Variants in CD1A observed in about 807,000 individuals in gnomAD.
CD1A encodes CD1a molecule.
In CD1A, 50 loss-of-function variants were observed where a neutral mutation model predicts 38.3. The observed-to-expected ratio is 1.30, with a 90% CI of 1.04 to 1.65. CD1A has a LOEUF of 1.65. Ranked by LOEUF, CD1A falls within the 40% of genes most tolerant of loss-of-function variation. CD1A has a pLI of 0.00. For missense variants in CD1A, 459 were observed against 406.1 expected (o/e 1.13, Z -1.12); for synonymous variants, 160 against 150.8 (o/e 1.06, Z -0.45).
chr1:158,257,888 G>A lies in CD1A; in HGVS notation c.*198G>A, dbSNP rs1291072011. ...TCAATTTAATTTTGCAGGATTTGTT[G>A]TTCTGACCTGGGTTCTGGGACTTTT... is the stretch of plus-strand genomic sequence containing the variant. On this transcript the variant is annotated 3_prime_UTR_variant, in exon 6 of 6. Transcript: ENST00000289429. The A allele has an allele frequency of 3.4e-6, 2 of 584,754 alleles. No homozygotes were observed. Among genetic ancestry groups the A allele is most frequent in the Admixed American group, 3.1e-5 (1 of 32,472 alleles). 36.2% of individuals were successfully genotyped at this position (584,754 alleles called of 1,614,324 possible).
Position 158,257,459 on chromosome 1 carries a change from A to C in CD1A, c.922A>C (p.Ile308Leu). 6.2e-7 allele frequency: 1 copy of C among 1,614,134 alleles called. No individual in the cohort carries two copies. The highest frequency in any genetic ancestry group is 2.2e-5 in the East Asian group (1 of 44,880). The stretch of plus-strand genomic sequence containing the variant: ...CGTGGGCTTCATCATCTTGGCGGTG[A>C]TAGTGCCTTTACTTCTTCTGATAGG... ...SSVGFIILAVIVPLLLLIGLA... is the reference protein window; with the variant it reads ...SSVGFIILAVLVPLLLLIGLA... The change falls in exon 5 of 6, where the codon ATA becomes CTA. Residue 308 changes from isoleucine (I) to leucine (L), a missense_variant. Transcript: ENST00000289429.
Position 158,254,674 on chromosome 1 carries a change from T to C in CD1A, c.5T>C (p.Leu2Pro). 6.2e-7 allele frequency: 1 copy of C among 1,614,152 alleles called. No homozygotes were observed. The highest frequency in any genetic ancestry group is 8.5e-7 in the Non-Finnish European group (1 of 1,180,016). ...GAAATAACATCTGCAAATGATATGC[T>C]GTTTTTGCTACTTCCATTGTTAGCT... MLFLLLPLLAVL... is the reference protein window; with the variant it reads MPFLLLPLLAVL... The change falls in exon 1 of 6, where the codon CTG (leucine) becomes CCG (proline). Residue 2 changes from leucine to proline, a missense_variant. Leu to Pro is a moderately conservative substitution (Grantham distance 98). Transcript: ENST00000289429.
Position 158,258,074 on chromosome 1 carries a change from A to G in CD1A, c.*384A>G, listed in dbSNP as rs1199573203. On this transcript the variant is annotated 3_prime_UTR_variant, in exon 6 of 6. Transcript: ENST00000289429. Reference sequence around the variant, plus strand: ...TCTTCCTGGTCTGAACTCCCGCCACATTTTAGCCGTACTTTGCTAACTGTG... The same window carrying G: ...TCTTCCTGGTCTGAACTCCCGCCACGTTTTAGCCGTACTTTGCTAACTGTG... 2 of 189,932 alleles carry G rather than the reference A, an allele frequency of 1.1e-5. No homozygotes were observed. The highest frequency in any genetic ancestry group is 2.7e-4 in the East Asian group (2 of 7,508). The allele number at this position is 189,932 out of a possible 1,614,324, so 11.8% of individuals were successfully genotyped here.
chr1:158,251,708 C>A (rs766979942), upstream of CD1A, among the ~76,000 whole-genome samples: 1 of 152,116 alleles, frequency 6.6e-6, no homozygotes, highest in African/African-American at 2.4e-5. Context: ...AGTGTTCCTG[C>A]CTTTCTTCCA....
At chr1:158,256,741 T>C (rs757447486) in intron 3 of CD1A, 45 bp from the exon 4 acceptor site, 26 of 1,586,086 alleles carry the variant, frequency 1.6e-5, no homozygotes, top group African/African-American at 2.7e-5. Context: ...TGTGGAGATA[T>C]GAAACTCCAA....
At chr1:158,251,696 T>C (rs181656572), upstream of CD1A, among the ~76,000 whole-genome samples, 101 of 152,284 alleles carry the variant, frequency 6.6e-4, no homozygotes, top group African/African-American at 2.4e-3. Context: ...TTTTGTCATG[T>C]AAGTGTTCCT....
In CD1A at chr1:158,255,178, T is replaced by C. The variant is rs371301715; in HGVS notation, c.153T>C (p.Asp51=). The C allele has an allele frequency of 1.9e-6, 3 of 1,614,026 alleles. No individual in the cohort carries two copies. The highest frequency in any genetic ancestry group is 2.7e-5 in the African/African-American group (2 of 74,908). Residue 51 remains aspartate, a synonymous_variant, in exon 2 of 6, where the codon GAT becomes GAC. Transcript: ENST00000289429. ...ATCTGGTCTCAGGTTGGCTGAGTGA[T>C]TTGCAGACTCATACCTGGGACAGCA... is the stretch of plus-strand genomic sequence containing the variant. ...KQNLVSGWLS[D]LQTHTWDSNS...
At position 158,256,918 on chromosome 1, in the gene CD1A, G is replaced by T. The variant is rs1650275634; in HGVS notation, c.737G>T (p.Gly246Val). 6.2e-7 allele frequency: 1 copy of T among 1,614,112 alleles called. No individual in the cohort carries two copies. Among genetic ancestry groups the T allele is most frequent in the Admixed American group, 1.7e-5 (1 of 60,008 alleles). Reference sequence around the variant, plus strand: ...ATGCGGGGTGAGCAGGAGCAGCAGGGCACTCAGCGAGGGGACATCTTGCCC... The same window carrying T: ...ATGCGGGGTGAGCAGGAGCAGCAGGTCACTCAGCGAGGGGACATCTTGCCC... ...MWMRGEQEQQ[G>V]TQRGDILPSA... is the part of the protein sequence containing the mutation. The change falls in exon 4 of 6, where the codon GGC becomes GTC. Residue 246 changes from glycine (G) to valine (V), a missense_variant. Coordinates refer to ENST00000289429, the MANE Select transcript of CD1A (RefSeq NM_001763.3).
In CD1A at chr1:158,255,246, A is replaced by G. The variant is rs764303588; in HGVS notation, c.221A>G (p.Asn74Ser). 3.1e-6 allele frequency: 5 copies of G among 1,614,114 alleles called. No individual in the cohort carries two copies. The highest frequency in any genetic ancestry group is 4.2e-6 in the Non-Finnish European group (5 of 1,180,008). The change falls in exon 2 of 6, where the codon AAC (asparagine) becomes AGC (serine). Residue 74 changes from asparagine to serine, a missense_variant. Transcript: ENST00000289429. The stretch of plus-strand genomic sequence containing the variant: ...TTCCTGTGCCCCTGGTCCAGGGGAA[A>G]CTTCAGCAATGAGGAGTGGAAGGAA... ...IVFLCPWSRG[N>S]FSNEEWKELE...
At chr1:158,254,787 GT>G in intron 1 of CD1A, 60 bp downstream of exon 1, 5 of 46,614 alleles carry the variant, frequency 1.1e-4, no homozygotes, top group Non-Finnish European at 1.5e-4. Context: ...CTCTCTCTCT[GT>G]GTGTGTGTGT....
At chr1:158,249,939 G>A (rs1182521398), upstream of CD1A, among the ~76,000 whole-genome samples, 2 of 152,180 alleles carry the variant, frequency 1.3e-5, no homozygotes, top group African/African-American at 2.4e-5. Context: ...CCATGAAATT[G>A]CAACCACTGT....
Position 158,257,810 on chromosome 1 carries a change from A to C in CD1A, c.*120A>C. 1 of 862,216 alleles carries C rather than the reference A, an allele frequency of 1.2e-6. No homozygotes were observed. Among genetic ancestry groups the C allele is most frequent in the Admixed American group, 2.3e-5 (1 of 44,126 alleles). The allele number at this position is 862,216 out of a possible 1,614,324, so 53.4% of individuals were successfully genotyped here. On this transcript the variant is annotated 3_prime_UTR_variant, in exon 6 of 6. Coordinates refer to ENST00000289429, the MANE Select transcript of CD1A (RefSeq NM_001763.3). The stretch of plus-strand genomic sequence containing the variant: ...GACGTCCTCTCAACTCTCTTTGTAA[A>C]AATTTTGTTATTTTTGCTTGTTTCT...
chr1:158,256,334 TCCA>T, intron 3 of CD1A, 52 bp downstream of exon 3: 1 of 1,525,422 alleles, frequency 6.6e-7, no homozygotes, highest in Non-Finnish European at 8.9e-7. Context: ...ATCATACCCT[TCCA>T]CCACCTCCTT....
At chr1:158,253,126 G>T (rs1432572251), upstream of CD1A, among the ~76,000 whole-genome samples, 1 of 152,024 alleles carries the variant, frequency 6.6e-6, no homozygotes, top group Non-Finnish European at 1.5e-5. Flanking sequence ...CCCTAAATTA[G>T]CTTCAGATAC....
upstream of CD1A, among the ~76,000 whole-genome samples, chr1:158,253,317 A>C (rs1255296428): frequency 6.6e-6 from 1 of 152,192 alleles, no homozygotes; most frequent in Non-Finnish European, 1.5e-5. Context: ...TCCAAATAGG[A>C]CTAATAAAAA....
chr1:158,256,080 T>C lies in CD1A; in HGVS notation c.402T>C (p.Ala134=). The change falls in exon 3 of 6, where the codon GCT becomes GCC. Residue 134 remains alanine (A), a synonymous_variant. Transcript: ENST00000289429. ...TCTCAGGAAGCTTCTTGCAGTTAGCTTATCAAGGATCAGACTTTGTGAGCT... is the reference window on the plus strand; with the variant it reads ...TCTCAGGAAGCTTCTTGCAGTTAGCCTATCAAGGATCAGACTTTGTGAGCT... ...GKVSGSFLQL[A]YQGSDFVSFQ... The C allele has an allele frequency of 6.2e-7, 1 of 1,614,196 alleles. No homozygotes were observed. Among genetic ancestry groups the C allele is most frequent in the Non-Finnish European group, 8.5e-7 (1 of 1,180,018 alleles).
Position 158,255,333 on chromosome 1 carries a change from A to G in CD1A, c.308A>G (p.His103Arg), listed in dbSNP as rs1253159682. The G allele has an allele frequency of 1.9e-6, 3 of 1,613,846 alleles. No individual in the cohort carries two copies. The highest frequency in any genetic ancestry group is 2.5e-6 in the Non-Finnish European group (3 of 1,179,860). ...RSFEGIRRYA[H>R]ELQFEYPFEI... ...TTTGAGGGAATTCGTAGATACGCCCATGAATTGCAGTTTGAATGTGAGTTC... is the reference window on the plus strand; with the variant it reads ...TTTGAGGGAATTCGTAGATACGCCCGTGAATTGCAGTTTGAATGTGAGTTC... Residue 103 changes from histidine to arginine, a missense_variant, in exon 2 of 6, where the codon CAT (histidine) becomes CGT (arginine). His to Arg is a conservative substitution (Grantham distance 29). Coordinates refer to ENST00000289429, the MANE Select transcript of CD1A (RefSeq NM_001763.3).
In CD1A at chr1:158,256,087, G is replaced by T. The variant is rs779846618; in HGVS notation, c.409G>T (p.Gly137Ter). 3.1e-6 allele frequency: 5 copies of T among 1,614,160 alleles called. No individual in the cohort carries two copies. In the South Asian group the frequency reaches 4.4e-5, roughly 14 times the overall value. Residue 137 changes from glycine (G) to a stop codon, truncating the protein, a stop_gained, in exon 3 of 6, where the codon GGA becomes TGA. Transcript: ENST00000289429. LOFTEE classifies it high-confidence loss of function. ...AAGCTTCTTGCAGTTAGCTTATCAA[G>T]GATCAGACTTTGTGAGCTTCCAGAA... ...SGSFLQLAYQ[G>*]SDFVSFQNNS...
rs747242400 is a variant in CD1A at position 158,257,426 on chromosome 1, C to G, written c.889C>G (p.His297Asp). 9.9e-6 allele frequency: 16 copies of G among 1,612,808 alleles called. No homozygotes were observed. The highest frequency in any genetic ancestry group is 1.4e-5 in the Non-Finnish European group (16 of 1,178,888). ...GQDIVLYWEH[H>D]SSVGFIILAV... ...GTGTCTCCCCAAATTCACAGAGCAT[C>G]ACAGTTCCGTGGGCTTCATCATCTT... The change falls in exon 5 of 6, where the codon CAC becomes GAC. Residue 297 changes from histidine (H) to aspartate (D), a missense_variant. His to Asp is a moderately conservative substitution (Grantham distance 81). Transcript: ENST00000289429.
Sources: gnomAD v4.1 joint callset for allele counts (sites outside exome capture counted in the v4.1 genomes callset) on GRCh38, gnomAD v4.1.1 for gene constraint, MANE v1.5 for transcripts, NCBI Gene and HGNC (gene_info 2026-07-23, HGNC 2026-07-21) for gene names.